The following TBC1D31 variants were observed in gnomAD, a reference collection of about 807,000 sequenced individuals.
The protein encoded by TBC1D31 is TBC1 domain family member 31.
TBC1D31 carries 99 observed loss-of-function variants against 132.9 expected under a neutral mutation model. The ratio of observed to expected loss-of-function variants is 0.74; its 90% CI spans 0.63 to 0.88. TBC1D31 has a LOEUF of 0.88. Among genes scored for constraint, TBC1D31 ranks in the 40% least tolerant of loss-of-function variants. The pLI is 0.00. For synonymous variants in TBC1D31, 385 were observed against 419.4 expected (o/e 0.92, Z 1.00); for missense variants, 1,134 against 1,256.6 (o/e 0.90, Z 1.48).
intron 16 of TBC1D31, among the ~76,000 whole-genome samples, chr8:123,130,871 C>T (rs1033890250): frequency 2.6e-5 from 4 of 151,690 alleles, no homozygotes; most frequent in African/African-American, 9.7e-5. Flanking sequence ...ATCTGCCCAC[C>T]TTGGCCTCCC....
chr8:123,142,223 A>G (rs761102970), intron 18 of TBC1D31, 39 bp from the exon 19 acceptor site: 1 of 1,457,572 alleles, frequency 6.9e-7, no homozygotes, highest in South Asian at 1.4e-5. Context: ...ATGTACTAGT[A>G]GTTTGACCTT....
At chr8:123,140,713 C>A in intron 17 of TBC1D31, 48 bp from the exon 18 acceptor site, 2 of 1,465,680 alleles carry the variant, frequency 1.4e-6, no homozygotes, top group South Asian at 1.2e-5. Flanking sequence ...TTTTTGTATT[C>A]TAGCGTTATA....
chr8:123,135,026 A>G (rs866419346), intron 17 of TBC1D31, among the ~76,000 whole-genome samples: 4 of 152,148 alleles, frequency 2.6e-5, no homozygotes, highest in African/African-American at 9.7e-5. Flanking sequence ...CAGCCTCCCC[A>G]GTAGCTGGGA....
intron 16 of TBC1D31, among the ~76,000 whole-genome samples, chr8:123,133,321 A>C (rs1354537012): frequency 1.3e-5 from 2 of 152,200 alleles, no homozygotes; most frequent in Non-Finnish European, 2.9e-5. Context: ...TTCTTGCTTC[A>C]CACAATCAAG....
At chr8:123,107,184 T>C (rs1233136744) in intron 8 of TBC1D31, among the ~76,000 whole-genome samples, 1 of 152,210 alleles carries the variant, frequency 6.6e-6, no homozygotes, top group Non-Finnish European at 1.5e-5. Context: ...TGGTGAGAAC[T>C]TTCCTGAAAT....
At chr8:123,154,493 G>A (rs1365471107), downstream of TBC1D31, among the ~76,000 whole-genome samples, 2 of 152,192 alleles carry the variant, frequency 1.3e-5, no homozygotes, top group Non-Finnish European at 2.9e-5. Flanking sequence ...TCCCCAGGCA[G>A]CAGGAAACAA....
At chr8:123,102,343 A>AGTTGCATTTGCC in intron 7 of TBC1D31, 1 of 378,026 alleles carries the variant, frequency 2.6e-6, no homozygotes, top group Non-Finnish European at 5.1e-6. Context: ...GTGCATTTGG[A>AGTTGCATTTGCC]GTGGCGTTTG....
At chr8:123,121,323 C>T (rs76421156) in intron 11 of TBC1D31, among the ~76,000 whole-genome samples, 1 of 152,056 alleles carries the variant, frequency 6.6e-6, no homozygotes, top group African/African-American at 2.4e-5. Flanking sequence ...GTTCCCTTTG[C>T]GTAGATTTCC....
rs746174446 is a variant in TBC1D31 at position 123,100,996 on chromosome 8, G to T, written c.1021G>T (p.Glu341Ter). 1 of 1,609,444 alleles carries T rather than the reference G, an allele frequency of 6.2e-7. No homozygotes were observed. Among genetic ancestry groups the T allele is most frequent in the South Asian group, 1.1e-5 (1 of 90,948 alleles). ...NIYSVQALTQ[E>*]INKPPPPLVK... is the part of the protein sequence containing the mutation. Reference sequence around the variant, plus strand: ...ATATTCAGTTCAGGCTTTAACACAAGAAATAAATAAGGTATGTATGATGAA... The same window carrying T: ...ATATTCAGTTCAGGCTTTAACACAATAAATAAATAAGGTATGTATGATGAA... Residue 341 changes from glutamate (E) to a stop codon, truncating the protein, a stop_gained, in exon 7 of 22, where the codon GAA becomes TAA. Coordinates refer to ENST00000287380, the MANE Select transcript of TBC1D31 (RefSeq NM_145647.4). LOFTEE classifies it high-confidence loss of function.
chr8:123,157,283 A>G, the TBC1D31 span, among the ~76,000 whole-genome samples: 105 of 152,266 alleles, frequency 6.9e-4, no homozygotes, highest in Admixed American at 2.1e-3. Flanking sequence ...CTGACGCGCT[A>G]CCTACTGCGC....
In TBC1D31 at chr8:123,082,750, T is replaced by C; in HGVS notation, c.273T>C (p.Phe91=). 3.7e-6 allele frequency: 6 copies of C among 1,613,362 alleles called. No individual in the cohort carries two copies. The highest frequency in any genetic ancestry group is 5.1e-6 in the Non-Finnish European group (6 of 1,180,004). The change falls in exon 3 of 22, where the codon TTT becomes TTC. Residue 91 remains phenylalanine (F), a synonymous_variant. Coordinates refer to ENST00000287380, the MANE Select transcript of TBC1D31 (RefSeq NM_145647.4). The part of the protein sequence containing the change: ...RTAQACTALA[F]NLRRKSEFLV... The stretch of plus-strand genomic sequence containing the variant: ...CACAAGCTTGCACAGCTCTGGCCTT[T>C]AATCTTCGTAGGAAATCTGAATTCC...
chr8:123,159,929 A>T, the TBC1D31 span, among the ~76,000 whole-genome samples: 12 of 152,228 alleles, frequency 7.9e-5, no homozygotes, highest in Non-Finnish European at 2.9e-5. Flanking sequence ...TCACAGAAAA[A>T]TTGCAAAGAT....
rs1819975480 is a variant in TBC1D31, at chr8:123,125,846, C to CTACT, written c.1571-209_1571-206dup. ...GTTTTAATTAACACTTTTTCATTGACTACTGTAAGGAAATTTGCAAAATTT... is the reference window on the plus strand; with the variant it reads ...GTTTTAATTAACACTTTTTCATTGACTACTTACTGTAAGGAAATTTGCAAAATTT... On this transcript the variant is annotated intron_variant, in intron 11 of 21. Coordinates refer to ENST00000287380, the MANE Select transcript of TBC1D31 (RefSeq NM_145647.4). Among the ~76,000 whole-genome samples the CTACT allele has an allele frequency of 2.6e-5, 4 of 151,994 alleles. No individual in the cohort carries two copies. In the South Asian group the frequency reaches 8.3e-4, roughly 31 times the overall value.
intron 21 of TBC1D31, among the ~76,000 whole-genome samples, chr8:123,150,544 C>G (rs1658518630): frequency 6.6e-6 from 1 of 152,206 alleles, no homozygotes; most frequent in South Asian, 2.1e-4. Context: ...GGGCTGGGCT[C>G]CCTCCAACAA....
intron 5 of TBC1D31, among the ~76,000 whole-genome samples, chr8:123,094,158 G>A (rs543320231): frequency 4.7e-4 from 71 of 151,508 alleles, no homozygotes; most frequent in Admixed American, 8.6e-4. Context: ...TCTGTCTCCC[G>A]GGTTCACGCG....
At position 123,126,048 on chromosome 8, in the gene TBC1D31, C is replaced by A; in HGVS notation, c.1571-8C>A. 1 of 1,551,686 alleles carries A rather than the reference C, an allele frequency of 6.4e-7. No homozygotes were observed. Among genetic ancestry groups the A allele is most frequent in the South Asian group, 1.3e-5 (1 of 79,280 alleles). ...TTAAAGATATGTTTTCTTTTTTTTC[C>A]TTCATAGTCAATTGGTGTCAACACT... On this transcript the variant is annotated splice_region_variant and splice_polypyrimidine_tract_variant and intron_variant, in intron 11 of 21. Coordinates refer to ENST00000287380, the MANE Select transcript of TBC1D31 (RefSeq NM_145647.4).
intron 8 of TBC1D31, among the ~76,000 whole-genome samples, chr8:123,107,728 A>T (rs1818071056): frequency 6.6e-6 from 1 of 152,138 alleles, no homozygotes; most frequent in South Asian, 2.1e-4. Context: ...CAATGTGGAT[A>T]TCCTACAGAA....
At chr8:123,130,608 T>TTTTTC (rs1466904140) in intron 16 of TBC1D31, among the ~76,000 whole-genome samples, 2 of 151,794 alleles carry the variant, frequency 1.3e-5, no homozygotes, top group African/African-American at 2.4e-5. Context: ...ATTAAGTTAT[T>TTTTTC]TTTTCTTTTC....
intron 3 of TBC1D31, 78 bp from the exon 4 acceptor site, chr8:123,084,084 A>G (rs1311601361): frequency 2.0e-5 from 25 of 1,248,080 alleles, no homozygotes; most frequent in Non-Finnish European, 2.9e-5. Flanking sequence ...GCATCAGTTC[A>G]TCTATGGTGT....
Sources: gnomAD v4.1 joint callset for allele counts (sites outside exome capture counted in the v4.1 genomes callset) on GRCh38, gnomAD v4.1.1 for gene constraint, MANE v1.5 for transcripts, NCBI Gene and HGNC (gene_info 2026-07-23, HGNC 2026-07-21) for gene names.